ZFAND2A: variants seen among roughly 807,000 people sequenced by gnomAD.
ZFAND2A encodes the protein AN1-type zinc finger protein 2A.
In ZFAND2A, 20 loss-of-function variants were observed where a neutral mutation model predicts 11.6. That is an observed-to-expected ratio of 1.72 (90% CI 1.21 to 2.50). The LOEUF (loss-of-function observed/expected upper bound fraction) is 2.50, where lower values mean the gene tolerates loss of function less well. Among genes scored for constraint, ZFAND2A ranks in the 30% most tolerant of loss-of-function variants. The pLI is 0.00. For synonymous variants in ZFAND2A, 93 were observed against 60.6 expected, an observed-to-expected ratio of 1.54 and a Z score of -2.48; for missense variants, 234 against 182.9, an observed-to-expected ratio of 1.28 and a Z score of -1.61.
chr7:1,149,411 T>C (rs74468729), downstream of ZFAND2A, among the ~76,000 whole-genome samples: 2,237 of 152,326 alleles, frequency 0.015, 49 homozygotes, highest in African/African-American at 0.051. Context: ...GGTGTAAACC[T>C]GAGTCCACCT....
At chr7:1,158,560 G>A (rs1198246513) in intron 1 of ZFAND2A, among the ~76,000 whole-genome samples, 2 of 152,160 alleles carry the variant, frequency 1.3e-5, no homozygotes, top group African/African-American at 2.4e-5. Flanking sequence ...TACGACTTTG[G>A]TGAATTTTAA....
intron 3 of ZFAND2A, 55 bp downstream of exon 3, chr7:1,157,601 A>G (rs1035988253): frequency 2.7e-6 from 4 of 1,507,918 alleles, no homozygotes; most frequent in African/African-American, 2.8e-5. Context: ...TACCAGCAAG[A>G]CAGTGCAGCT....
In ZFAND2A at chr7:1,152,976, ATGG is replaced by A. The variant is rs759383913; in HGVS notation, c.*90_*92del. Reference sequence around the variant, plus strand: ...AAACAAGATCAGCAGCCAGTGTGGGATGGTGCTCAATGGGGCTCCACTTCCCAC... The same window carrying A: ...AAACAAGATCAGCAGCCAGTGTGGGATGCTCAATGGGGCTCCACTTCCCAC... On this transcript the variant is annotated 3_prime_UTR_variant, in exon 5 of 5. Transcript: ENST00000316495. The A allele has an allele frequency of 4.7e-5, 71 of 1,511,620 alleles. 1 individual carries two copies. In the East Asian group the frequency reaches 1.6e-3, roughly 34 times the overall value. The allele number at this position is 1,511,620 out of a possible 1,614,324, so 93.6% of individuals were successfully genotyped here.
intron 1 of ZFAND2A, among the ~76,000 whole-genome samples, chr7:1,158,625 A>G (rs1793590777): frequency 6.6e-6 from 1 of 152,222 alleles, no homozygotes; most frequent in Admixed American, 6.5e-5. Context: ...CTCTGTTACT[A>G]GGTGCTAAAT....
downstream of ZFAND2A, among the ~76,000 whole-genome samples, chr7:1,150,860 G>A (rs893375250): frequency 2.0e-5 from 3 of 150,700 alleles, no homozygotes; most frequent in Admixed American, 6.6e-5. Flanking sequence ...AGCAGCTCTC[G>A]GGCTTGCTGG....
chr7:1,154,853 C>T (rs966404148), intron 4 of ZFAND2A, among the ~76,000 whole-genome samples: 1 of 152,186 alleles, frequency 6.6e-6, no homozygotes, highest in African/African-American at 2.4e-5. Flanking sequence ...GGCGTGGTGG[C>T]TCACACCTAT....
intron 1 of ZFAND2A, among the ~76,000 whole-genome samples, chr7:1,158,890 GC>G (rs1352019900): frequency 6.6e-6 from 1 of 151,962 alleles, no homozygotes; most frequent in African/African-American, 2.4e-5. Flanking sequence ...CCCTCCCGGG[GC>G]CTTTTCCTGG....
intron 3 of ZFAND2A, among the ~76,000 whole-genome samples, chr7:1,156,616 G>A (rs1028589441): frequency 2.6e-5 from 4 of 152,322 alleles, no homozygotes; most frequent in South Asian, 2.1e-4. Flanking sequence ...AGCAGCTAAC[G>A]CCCAGCATGG....
chr7:1,149,972 C>T (rs1202144085), downstream of ZFAND2A, among the ~76,000 whole-genome samples: 1 of 151,962 alleles, frequency 6.6e-6, no homozygotes, highest in Non-Finnish European at 1.5e-5. Context: ...CTTGCCTCAG[C>T]CTCCCAAGTA....
chr7:1,148,957 C>CA (rs56239240), downstream of ZFAND2A, among the ~76,000 whole-genome samples: 19,389 of 150,700 alleles, frequency 0.13, 1,931 homozygotes, highest in African/African-American at 0.29. Flanking sequence ...CATGCACCAT[C>CA]TGTCTGGCTA....
At chr7:1,152,063 G>C (rs187985127), downstream of ZFAND2A, 2,285 of 625,900 alleles carry the variant, frequency 3.7e-3, 13 homozygotes, top group Non-Finnish European at 4.7e-3. Flanking sequence ...GCTGCCGAAA[G>C]GTTGTGCTGG....
Position 1,155,468 on chromosome 7 carries a change from C to T in ZFAND2A, c.267G>A (p.Gly89=), listed in dbSNP as rs1336427511. The part of the protein sequence containing the change: ...HIDRDCDSHP[G]KKKEKIFTYR... ...CTGTCCTTACCTTCTCTTTCTTCTT[C>T]CCAGGGTGAGAGTCACAGTCTCTGT... The change falls in exon 4 of 5, where the codon GGG becomes GGA. Residue 89 remains glycine, a synonymous_variant. Transcript: ENST00000316495. The T allele has an allele frequency of 6.2e-7, 1 of 1,613,666 alleles. No individual in the cohort carries two copies. Among genetic ancestry groups the T allele is most frequent in the Non-Finnish European group, 8.5e-7 (1 of 1,179,780 alleles).
At chr7:1,157,223 T>C (rs1430117702) in intron 3 of ZFAND2A, 2 of 153,504 alleles carry the variant, frequency 1.3e-5, no homozygotes, top group African/African-American at 4.8e-5. Context: ...AAGGCTGCAG[T>C]TATTCAAATC....
At chr7:1,150,319 A>C (rs1793375559), downstream of ZFAND2A, among the ~76,000 whole-genome samples, 1 of 151,824 alleles carries the variant, frequency 6.6e-6, no homozygotes, top group Non-Finnish European at 1.5e-5. Flanking sequence ...AGATGGTGAA[A>C]GCAGAAAAAA....
intron 3 of ZFAND2A, chr7:1,157,428 T>C (rs1375952566): frequency 2.5e-6 from 1 of 397,964 alleles, no homozygotes; most frequent in Non-Finnish European, 4.5e-6. Context: ...GAAAATAAGA[T>C]CTCAGTTGTC....
At chr7:1,152,053 G>A (rs7802508), downstream of ZFAND2A, 206,559 of 548,216 alleles carry the variant, frequency 0.38, 40,206 homozygotes, top group Non-Finnish European at 0.39. Flanking sequence ...TGATGCTGCT[G>A]CTGCCGAAAG....
chr7:1,159,541 C>T (rs572131179), intron 1 of ZFAND2A, among the ~76,000 whole-genome samples: 3 of 109,136 alleles, frequency 2.7e-5, no homozygotes, highest in African/African-American at 1.1e-4. Flanking sequence ...CAGCCAGACC[C>T]CGGCAGGCCC....
rs1434019626 is a variant in ZFAND2A, at chr7:1,154,360, C to T, written c.282+1093G>A. Among the ~76,000 whole-genome samples the T allele has an allele frequency of 2.6e-5, 4 of 152,010 alleles. No homozygotes were observed. The East Asian group carries it at 5.8e-4, about 22-fold the overall frequency. On this transcript the variant is annotated intron_variant, in intron 4 of 4. Coordinates refer to ENST00000316495, the MANE Select transcript of ZFAND2A (RefSeq NM_182491.4). ...GCTGAGCGACCATGCAGGAGGGACC[C>T]GTGCAGGGATGCAGGCAGAACACAG... is the stretch of plus-strand genomic sequence containing the variant.
chr7:1,154,874 C>T (rs563879551), intron 4 of ZFAND2A, among the ~76,000 whole-genome samples: 1 of 152,288 alleles, frequency 6.6e-6, no homozygotes, highest in African/African-American at 2.4e-5. Context: ...AATCTCAGCA[C>T]TTTGGGAGGC....
Sources: gnomAD v4.1 joint callset for allele counts (sites outside exome capture counted in the v4.1 genomes callset) on GRCh38, gnomAD v4.1.1 for gene constraint, MANE v1.5 for transcripts, NCBI Gene and HGNC (gene_info 2026-07-23, HGNC 2026-07-21) for gene names.